Variants in SLC36A1 observed in about 807,000 individuals in gnomAD.
SLC36A1 encodes proton-coupled amino acid transporter 1.
SLC36A1 carries 30 observed loss-of-function variants against 47.5 expected under a neutral mutation model. That is an observed-to-expected ratio of 0.63 (90% CI 0.47 to 0.86). The LOEUF (loss-of-function observed/expected upper bound fraction) is 0.86. Ranked by LOEUF, SLC36A1 falls within the 40% of genes least tolerant of loss-of-function variation. The pLI, the probability that SLC36A1 is intolerant of heterozygous loss-of-function variation, is 0.00. For missense variants in SLC36A1, 517 were observed against 606.0 expected (o/e 0.85, Z 1.54); for synonymous variants, 255 against 249.7 (o/e 1.02, Z -0.20).
the SLC36A1 span, among the ~76,000 whole-genome samples, chr5:151,393,803 TA>T: frequency 2.6e-5 from 4 of 152,204 alleles, no homozygotes; most frequent in African/African-American, 9.6e-5. Context: ...CCTTTGTGGG[TA>T]ACCCGACCTT....
chr5:151,379,533 A>G, the SLC36A1 span, among the ~76,000 whole-genome samples: 2 of 152,056 alleles, frequency 1.3e-5, no homozygotes, highest in Non-Finnish European at 2.9e-5. Flanking sequence ...GGGTTTTGCC[A>G]TTTTGGTCAG....
the SLC36A1 span, among the ~76,000 whole-genome samples, chr5:151,408,034 T>C: frequency 6.6e-6 from 1 of 152,210 alleles, no homozygotes; most frequent in Admixed American, 6.5e-5. Context: ...GCAGGGATTA[T>C]TATCTTCATT....
At chr5:151,513,753 G>T in the SLC36A1 span, among the ~76,000 whole-genome samples, 2 of 151,756 alleles carry the variant, frequency 1.3e-5, no homozygotes, top group African/African-American at 4.8e-5. Flanking sequence ...ACTAAAAATT[G>T]GAAGAAAAAA....
chr5:151,449,363 A>G (rs1445072112), intron 1 of SLC36A1, among the ~76,000 whole-genome samples: 1 of 152,238 alleles, frequency 6.6e-6, no homozygotes, highest in East Asian at 1.9e-4. Context: ...TTCGTTAAAA[A>G]TGTTCTTGAA....
the SLC36A1 span, among the ~76,000 whole-genome samples, chr5:151,426,809 C>A: frequency 6.6e-6 from 1 of 152,198 alleles, no homozygotes; most frequent in African/African-American, 2.4e-5. Flanking sequence ...TTGGACCATA[C>A]CCAGGCTTTC....
intron 1 of SLC36A1, among the ~76,000 whole-genome samples, chr5:151,437,440 A>G (rs949418866): frequency 6.6e-6 from 1 of 152,184 alleles, no homozygotes; most frequent in African/African-American, 2.4e-5. Context: ...TTTTAGGACT[A>G]TCTTTCTGTT....
chr5:151,441,018 C>G (rs973581671), intron 1 of SLC36A1, among the ~76,000 whole-genome samples: 1 of 152,214 alleles, frequency 6.6e-6, no homozygotes, highest in Non-Finnish European at 1.5e-5. Flanking sequence ...GCTGTGCCCC[C>G]ACAACCCAGG....
At chr5:151,407,448 A>G in the SLC36A1 span, among the ~76,000 whole-genome samples, 1 of 150,564 alleles carries the variant, frequency 6.6e-6, no homozygotes, top group South Asian at 2.1e-4. Flanking sequence ...CTAGACAGAA[A>G]AGTTCTCCAA....
At chr5:151,532,887 T>C in the SLC36A1 span, among the ~76,000 whole-genome samples, 1 of 152,056 alleles carries the variant, frequency 6.6e-6, no homozygotes, top group African/African-American at 2.4e-5. Context: ...GTGACAGGAG[T>C]AGCCTCTGAG....
chr5:151,531,725 C>G, the SLC36A1 span: 1 of 1,613,800 alleles, frequency 6.2e-7, no homozygotes, highest in African/African-American at 1.3e-5. This position sits in a 1 kb window ranked among gnomAD's most constrained non-coding sequence, Gnocchi z 5.7. Flanking sequence ...GGCACCTGCA[C>G]GCTGTGCTCG....
At chr5:151,401,618 A>G in the SLC36A1 span, among the ~76,000 whole-genome samples, 1 of 152,098 alleles carries the variant, frequency 6.6e-6, no homozygotes. Flanking sequence ...TTTTGGCAGT[A>G]TGGTCATCTT....
chr5:151,378,804 C>T, the SLC36A1 span, among the ~76,000 whole-genome samples: 2 of 152,208 alleles, frequency 1.3e-5, no homozygotes, highest in Non-Finnish European at 2.9e-5. Flanking sequence ...CCTCTACCCA[C>T]CCCCTGCCAC....
the SLC36A1 span, among the ~76,000 whole-genome samples, chr5:151,390,872 A>T: frequency 4.6e-5 from 7 of 152,104 alleles, no homozygotes; most frequent in Non-Finnish European, 8.8e-5. Flanking sequence ...TTGGCTTAGG[A>T]TTGTCTTGGC....
At chr5:151,527,711 G>A in the SLC36A1 span, among the ~76,000 whole-genome samples, 1 of 152,116 alleles carries the variant, frequency 6.6e-6, no homozygotes, top group Non-Finnish European at 1.5e-5. Context: ...CACACAGTGG[G>A]TGCTCAAAAA....
At chr5:151,553,336 G>A in the SLC36A1 span, 1 of 1,614,260 alleles carries the variant, frequency 6.2e-7, no homozygotes, top group Non-Finnish European at 8.5e-7. Flanking sequence ...CACTCAATGT[G>A]TAGCCGGACA....
At chr5:151,352,979 C>T in the SLC36A1 span, among the ~76,000 whole-genome samples, 18 of 152,200 alleles carry the variant, frequency 1.2e-4, no homozygotes, top group African/African-American at 4.1e-4. Context: ...GGGGCTAGAC[C>T]CCCTCTGGAA....
At chr5:151,525,819 A>C in the SLC36A1 span, 1 of 1,614,196 alleles carries the variant, frequency 6.2e-7, no homozygotes, top group South Asian at 1.1e-5. Context: ...GGCCCTCAGC[A>C]GTCACCAGCC....
chr5:151,418,358 A>T, the SLC36A1 span, among the ~76,000 whole-genome samples: 58 of 152,318 alleles, frequency 3.8e-4, no homozygotes, highest in Admixed American at 1.6e-3. Context: ...CCTGGAAAAG[A>T]CACAGACACT....
chr5:151,451,113 G>A (rs890254150), intron 1 of SLC36A1: 1 of 152,182 alleles, frequency 6.6e-6, no homozygotes, highest in South Asian at 2.1e-4. Context: ...GGAACCACAC[G>A]GTGCTGCATT....
Sources: gnomAD v4.1 joint callset for allele counts (sites outside exome capture counted in the v4.1 genomes callset) on GRCh38, gnomAD v4.1.1 for gene constraint, Gnocchi (gnomAD v3.1) non-coding constraint, MANE v1.5 for transcripts, NCBI Gene and HGNC (gene_info 2026-07-23, HGNC 2026-07-21) for gene names.